Variants in SGMS1 observed in about 807,000 individuals in gnomAD.
SGMS1 encodes sphingomyelin synthase 1.
SGMS1 carries 13 observed loss-of-function variants against 46.2 expected under a neutral mutation model. The ratio of observed to expected loss-of-function variants is 0.28; its 90% CI spans 0.18 to 0.45. The LOEUF (loss-of-function observed/expected upper bound fraction) is 0.45. Among genes scored for constraint, SGMS1 ranks in the 20% least tolerant of loss-of-function variants. The pLI is 1.00. For synonymous variants in SGMS1, 203 were observed against 187.8 expected, an observed-to-expected ratio of 1.08 and a Z score of -0.66; for missense variants, 324 against 519.9, an observed-to-expected ratio of 0.62 and a Z score of 3.66.
At chr10:50,520,677 T>C (rs543524534) in intron 2 of SGMS1, among the ~76,000 whole-genome samples, 3 of 152,278 alleles carry the variant, frequency 2.0e-5, no homozygotes, top group African/African-American at 7.2e-5. Flanking sequence ...CAGCAATATT[T>C]ATTCTTTCTT....
At chr10:50,365,131 G>A (rs1015503252) in intron 6 of SGMS1, among the ~76,000 whole-genome samples, 1 of 151,786 alleles carries the variant, frequency 6.6e-6, no homozygotes, top group Admixed American at 6.6e-5. Context: ...AGGCATGGTG[G>A]AGCATGTAGT....
At chr10:50,335,415 G>A (rs947937114) in intron 7 of SGMS1, 2 of 152,198 alleles carry the variant, frequency 1.3e-5, no homozygotes, top group Admixed American at 6.5e-5. Context: ...ATATCATCTC[G>A]TTCAATCCTC....
intron 5 of SGMS1, among the ~76,000 whole-genome samples, chr10:50,438,213 G>A (rs1203407): frequency 0.21 from 32,652 of 152,082 alleles, 3,724 homozygotes; most frequent in Non-Finnish European, 0.25. Context: ...TAATTCCCTC[G>A]CCCTTTCAGG....
chr10:50,392,675 G>A (rs1848790251), intron 6 of SGMS1, among the ~76,000 whole-genome samples: 1 of 152,182 alleles, frequency 6.6e-6, no homozygotes. Context: ...AGAAAGAAAA[G>A]TCAACAGACA....
At chr10:50,539,769 C>T (rs1218241000) in intron 2 of SGMS1, among the ~76,000 whole-genome samples, 2 of 152,098 alleles carry the variant, frequency 1.3e-5, no homozygotes, top group Admixed American at 6.5e-5. Flanking sequence ...ATTCTATCTC[C>T]TTGAAATGGA....
intron 3 of SGMS1, among the ~76,000 whole-genome samples, chr10:50,499,296 T>C (rs1048905906): frequency 1.4e-4 from 22 of 152,236 alleles, no homozygotes; most frequent in African/African-American, 5.3e-4. Flanking sequence ...TGAATATCCA[T>C]TTCTTAAAGT....
chr10:50,485,190 C>T (rs916619481), intron 3 of SGMS1, among the ~76,000 whole-genome samples: 6 of 152,202 alleles, frequency 3.9e-5, no homozygotes, highest in African/African-American at 1.4e-4. Flanking sequence ...TAAGCAACTT[C>T]AGCAAAATCT....
intron 6 of SGMS1, among the ~76,000 whole-genome samples, chr10:50,379,043 T>C (rs1848562667): frequency 1.3e-5 from 2 of 152,168 alleles, no homozygotes; most frequent in Non-Finnish European, 2.9e-5. Context: ...AGTAGACAAG[T>C]ACAAATAACA....
chr10:50,575,307 G>A (rs1313608215), intron 2 of SGMS1, among the ~76,000 whole-genome samples: 8 of 152,074 alleles, frequency 5.3e-5, no homozygotes, highest in Non-Finnish European at 1.0e-4. Flanking sequence ...CAATTCCAAC[G>A]CTTTATAAGG....
Position 50,307,446 on chromosome 10 carries a change from TTC to T in SGMS1, c.1063-127_1063-126del, listed in dbSNP as rs1376295717. 15 of 730,392 alleles carry T rather than the reference TTC, an allele frequency of 2.1e-5. No homozygotes were observed. The highest frequency in any genetic ancestry group is 2.9e-5 in the Non-Finnish European group (13 of 451,694). The allele number at this position is 730,392 out of a possible 1,614,324, so 45.2% of individuals were successfully genotyped here. Reference sequence around the variant, plus strand: ...TGCGTGTCCACCCACATATCCCAGCTTCTCTCTCTCATCACCATTCTACACTC... The same window carrying T: ...TGCGTGTCCACCCACATATCCCAGCTTCTCTCTCATCACCATTCTACACTC... On this transcript the variant is annotated intron_variant, in intron 10 of 10. Coordinates refer to ENST00000361781, the MANE Select transcript of SGMS1 (RefSeq NM_147156.4). The surrounding 1 kb of genome is among the most constrained non-coding windows in gnomAD (Gnocchi z 4.2).
intron 2 of SGMS1, among the ~76,000 whole-genome samples, chr10:50,520,882 G>A (rs1380279219): frequency 6.6e-6 from 1 of 151,924 alleles, no homozygotes; most frequent in Non-Finnish European, 1.5e-5. Flanking sequence ...ATACTTGCTG[G>A]GATTTTTTGT....
intron 5 of SGMS1, among the ~76,000 whole-genome samples, chr10:50,445,675 C>T (rs113591898): frequency 0.17 from 25,216 of 152,030 alleles, 2,519 homozygotes; most frequent in Admixed American, 0.22. Flanking sequence ...GGATGAATGT[C>T]ACCTCAGGAC....
intron 2 of SGMS1, among the ~76,000 whole-genome samples, chr10:50,572,861 CAA>C (rs1838347892): frequency 6.6e-6 from 1 of 152,082 alleles, no homozygotes; most frequent in Admixed American, 6.5e-5. Flanking sequence ...TTTTCAACAC[CAA>C]GAGAGAACCC....
At chr10:50,580,431 C>CCG (rs910441173) in intron 2 of SGMS1, among the ~76,000 whole-genome samples, 53 of 151,646 alleles carry the variant, frequency 3.5e-4, no homozygotes, top group South Asian at 1.0e-3. Flanking sequence ...GGGACCCCCC[C>CCG]CCAAACCCCT....
rs760832061 is a variant in SGMS1 at position 50,343,850 on chromosome 10, C to A, written c.265G>T (p.Val89Leu). ...GHANGHLNIG[V>L]DIPTPDGSFS... is the part of the protein sequence containing the mutation. ...CTGCCGTCGGGGGTGGGGATGTCTA[C>A]GCCAATGTTGAGGTGCCCATTGGCA... The change falls in exon 7 of 11, where the codon GTA becomes TTA. Residue 89 changes from valine to leucine, a missense_variant. Val to Leu is a conservative substitution (Grantham distance 32). Around this residue, in one of 2 missense-constraint regions of SGMS1, gnomAD observed 150 missense variants for 169.8 expected, o/e 0.88. Transcript: ENST00000361781. 29 of 1,614,024 alleles carry A rather than the reference C, an allele frequency of 1.8e-5. No homozygotes were observed. Among genetic ancestry groups the A allele is most frequent in the Non-Finnish European group, 2.5e-5 (29 of 1,180,036 alleles).
At chr10:50,443,687 C>G (rs1849573297) in intron 5 of SGMS1, among the ~76,000 whole-genome samples, 1 of 151,814 alleles carries the variant, frequency 6.6e-6, no homozygotes, top group African/African-American at 2.4e-5. Flanking sequence ...AGATGTAAAC[C>G]CATAGAAAGG....
At chr10:50,421,469 G>T (rs114107105) in intron 6 of SGMS1, among the ~76,000 whole-genome samples, 5 of 152,238 alleles carry the variant, frequency 3.3e-5, no homozygotes, top group Admixed American at 1.3e-4. Flanking sequence ...AAATAAAACT[G>T]AAGAGACCCA....
At chr10:50,427,919 T>G (rs1031508418) in intron 6 of SGMS1, among the ~76,000 whole-genome samples, 1 of 152,052 alleles carries the variant, frequency 6.6e-6, no homozygotes, top group African/African-American at 2.4e-5. Context: ...AGTGGAACAG[T>G]TGATAGGGAA....
At chr10:50,442,294 A>C (rs963130319) in intron 5 of SGMS1, among the ~76,000 whole-genome samples, 2 of 151,754 alleles carry the variant, frequency 1.3e-5, no homozygotes, top group African/African-American at 4.8e-5. Context: ...CCCAAGTATT[A>C]AGCCCAGCAT....
Sources: gnomAD v4.1 joint callset for allele counts (sites outside exome capture counted in the v4.1 genomes callset) on GRCh38, gnomAD v4.1.1 for gene constraint, gnomAD v4.1.1 regional missense constraint, Gnocchi (gnomAD v3.1) non-coding constraint, MANE v1.5 for transcripts, NCBI Gene and HGNC (gene_info 2026-07-23, HGNC 2026-07-21) for gene names.